INSR: variants seen among roughly 807,000 people sequenced by gnomAD.
The protein encoded by INSR is IR.
In INSR, 67 loss-of-function variants were observed where a neutral mutation model predicts 142.6. The ratio of observed to expected loss-of-function variants is 0.47; its 90% CI spans 0.39 to 0.58. The LOEUF (loss-of-function observed/expected upper bound fraction) is 0.58. Among genes scored for constraint, INSR ranks in the 20% least tolerant of loss-of-function variants. The pLI is 0.00. For missense variants in INSR, 1,248 were observed against 1,833.2 expected (o/e 0.68, Z 5.83); for synonymous variants, 756 against 743.1 (o/e 1.02, Z -0.28).
rs1186930962 is a variant in INSR at position 7,119,412 on chromosome 19, G to A, written c.3794+37C>T. 3.1e-6 allele frequency: 5 copies of A among 1,613,432 alleles called. No homozygotes were observed. The highest frequency in any genetic ancestry group is 1.3e-5 in the African/African-American group (1 of 74,874). On this transcript the variant is annotated intron_variant, in intron 21 of 21. Transcript: ENST00000302850. The surrounding 1 kb of genome is among the most constrained non-coding windows in gnomAD (Gnocchi z 5.2). ...GTGTAAAGGGCAATACCCTTTCAAC[G>A]AACACCTCACACACCTTAAACCCTT...
chr19:7,123,194 G>A (rs1286534347), intron 17 of INSR: 7 of 563,618 alleles, frequency 1.2e-5, no homozygotes, highest in East Asian at 3.0e-5. Context: ...TTTTCGAGAC[G>A]GAATCTTGCT....
At chr19:7,132,010 A>T in intron 14 of INSR, 148 bp downstream of exon 14, 4 of 957,704 alleles carry the variant, frequency 4.2e-6, no homozygotes, top group Non-Finnish European at 6.6e-6. Context: ...TGCAGGATCA[A>T]AGAGGGCAAG....
chr19:7,160,418 A>G (rs2144921737), intron 9 of INSR, among the ~76,000 whole-genome samples: 1 of 151,302 alleles, frequency 6.6e-6, no homozygotes, highest in East Asian at 2.0e-4. Flanking sequence ...AAGTGCTGGG[A>G]TTACAGGCAT....
chr19:7,127,805 G>GCGATCT (rs771731152), intron 15 of INSR, among the ~76,000 whole-genome samples: 4 of 152,060 alleles, frequency 2.6e-5, no homozygotes, highest in Non-Finnish European at 5.9e-5. Flanking sequence ...GTGCAATGGT[G>GCGATCT]CGATCTCGGC....
intron 2 of INSR, among the ~76,000 whole-genome samples, chr19:7,250,631 A>G (rs1239508217): frequency 6.6e-6 from 1 of 151,438 alleles, no homozygotes; most frequent in African/African-American, 2.4e-5. Context: ...AGGGAGGAAG[A>G]AGATGAGAGT....
At chr19:7,245,250 T>C (rs186534635) in intron 2 of INSR, among the ~76,000 whole-genome samples, 214 of 152,110 alleles carry the variant, frequency 1.4e-3, no homozygotes, top group African/African-American at 4.9e-3. Flanking sequence ...ATGGGTTTTA[T>C]ATGAGAGTGA....
rs1469665528 is a variant in INSR at position 7,170,565 on chromosome 19, G to A, written c.1455C>T (p.Ala485=). The change falls in exon 6 of 22, where the codon GCC becomes GCT. Residue 485 remains alanine, a synonymous_variant. Transcript: ENST00000302850. ...TKGRQERNDI[A]LKTNGDQASC... ...ATGCCTGGTCCCCATTGGTCTTCAG[G>A]GCAATGTCGTTTCTCTCCTGGCGCC... 3.1e-6 allele frequency: 5 copies of A among 1,613,030 alleles called. No individual in the cohort carries two copies. The highest frequency in any genetic ancestry group is 3.6e-4 in the Middle Eastern group (2 of 5,532).
At chr19:7,132,020 G>T in intron 14 of INSR, 138 bp downstream of exon 14, 1 of 1,022,178 alleles carries the variant, frequency 9.8e-7, no homozygotes, top group Non-Finnish European at 1.5e-6. Context: ...AAGAGGGCAA[G>T]CACCGCAGCA....
chr19:7,208,845 A>G (rs1359974719), intron 2 of INSR, among the ~76,000 whole-genome samples: 4 of 152,292 alleles, frequency 2.6e-5, no homozygotes, highest in South Asian at 2.1e-4. Flanking sequence ...TCTACTAAAA[A>G]TACAAAAATT....
Position 7,141,494 on chromosome 19 carries a change from G to T in INSR, c.2682+183C>A, listed in dbSNP as rs73498780. The T allele has an allele frequency of 0.019, 14,108 of 750,502 alleles. 864 individuals carry two copies. Among genetic ancestry groups the T allele is most frequent in the African/African-American group, 0.15 (8,750 of 57,120 alleles). 46.5% of individuals were successfully genotyped at this position (750,502 alleles called of 1,614,324 possible). A position where few individuals can be genotyped will look rare whatever the true frequency, so the allele number is the denominator to read the frequency against. ...AACTAAGAAAAGTAACAAGCTGGTAGATTGGCATTTCTGACCCATCTTCCT... is the reference window on the plus strand; with the variant it reads ...AACTAAGAAAAGTAACAAGCTGGTATATTGGCATTTCTGACCCATCTTCCT... On this transcript the variant is annotated intron_variant, in intron 13 of 21. Transcript: ENST00000302850.
At chr19:7,120,568 A>G (rs1972465593) in intron 20 of INSR, 52 bp downstream of exon 20, 1 of 1,611,054 alleles carries the variant, frequency 6.2e-7, no homozygotes, top group Non-Finnish European at 8.5e-7. Context: ...GGCTCTCACT[A>G]GCACCTGGAA....
intron 2 of INSR, among the ~76,000 whole-genome samples, chr19:7,228,384 T>C (rs1043787013): frequency 6.6e-6 from 1 of 152,176 alleles, no homozygotes; most frequent in Non-Finnish European, 1.5e-5. Context: ...CAATCAAGAT[T>C]TCATGATCAC....
chr19:7,187,571 G>A (rs1318086806), intron 2 of INSR, among the ~76,000 whole-genome samples: 3 of 151,978 alleles, frequency 2.0e-5, no homozygotes, highest in East Asian at 1.9e-4. Context: ...AATGTGTAAC[G>A]ATTTCTTTTT....
At chr19:7,233,706 C>A (rs1401569186) in intron 2 of INSR, among the ~76,000 whole-genome samples, 1 of 129,532 alleles carries the variant, frequency 7.7e-6, no homozygotes, top group African/African-American at 2.8e-5. Context: ...GACGCAGTCT[C>A]GCTGTGTTGC....
At chr19:7,223,622 G>C (rs1414687946) in intron 2 of INSR, among the ~76,000 whole-genome samples, 1 of 152,222 alleles carries the variant, frequency 6.6e-6, no homozygotes, top group Non-Finnish European at 1.5e-5. Context: ...AGAATGTGCT[G>C]CTTCTTCATT....
At chr19:7,253,990 C>T (rs1157972157) in intron 2 of INSR, among the ~76,000 whole-genome samples, 1 of 149,722 alleles carries the variant, frequency 6.7e-6, no homozygotes, top group African/African-American at 2.5e-5. Context: ...GATTGTGTCA[C>T]TGTGCTCCAG....
intron 1 of INSR, among the ~76,000 whole-genome samples, chr19:7,284,635 TCTCCTGC>T (rs1415230453): frequency 7.6e-4 from 115 of 152,190 alleles, no homozygotes; most frequent in African/African-American, 2.7e-3. Flanking sequence ...TCCAAGTGAT[TCTCCTGC>T]CTCAGCCTCC....
Position 7,166,454 on chromosome 19 carries a change from CTG to C in INSR, c.1611-52_1611-51del, listed in dbSNP as rs1973892363. The C allele has an allele frequency of 6.2e-7, 1 of 1,603,570 alleles. No homozygotes were observed. Among genetic ancestry groups the C allele is most frequent in the East Asian group, 2.2e-5 (1 of 44,736 alleles). ...CAGTTACCCTTACAAGACCGTCACA[CTG>C]AGTGCCGTGCAGATGAGGCCTGGGA... On this transcript the variant is annotated intron_variant, in intron 7 of 21. Coordinates refer to ENST00000302850, the MANE Select transcript of INSR (RefSeq NM_000208.4). This position sits in a 1 kb window ranked among gnomAD's most constrained non-coding sequence, Gnocchi z 4.1.
intron 2 of INSR, among the ~76,000 whole-genome samples, chr19:7,248,672 C>T (rs2145167377): frequency 6.6e-6 from 1 of 151,818 alleles, no homozygotes; most frequent in South Asian, 2.1e-4. Flanking sequence ...AGTAGACAAC[C>T]CACGCCATTC....
Sources: gnomAD v4.1 joint callset for allele counts (sites outside exome capture counted in the v4.1 genomes callset) on GRCh38, gnomAD v4.1.1 for gene constraint, Gnocchi (gnomAD v3.1) non-coding constraint, MANE v1.5 for transcripts, NCBI Gene and HGNC (gene_info 2026-07-23, HGNC 2026-07-21) for gene names.